PFKFB3: variants seen among roughly 807,000 people sequenced by gnomAD.
PFKFB3 encodes the protein 6-phosphofructo-2-kinase/fructose-2,6-biphosphatase 3.
Under a neutral mutation model 68.0 loss-of-function variants are expected in PFKFB3, and 33 were observed. The observed-to-expected ratio is 0.49, with a 90% CI of 0.37 to 0.65. The LOEUF (loss-of-function observed/expected upper bound fraction) is 0.65, where lower values mean the gene tolerates loss of function less well. PFKFB3 is among the 30% of genes least tolerant of loss of function. The pLI is 0.00. For synonymous variants in PFKFB3, 315 were observed against 288.2 expected, an observed-to-expected ratio of 1.09 and a Z score of -0.94; for missense variants, 586 against 712.2, an observed-to-expected ratio of 0.82 and a Z score of 2.02.
intron 1 of PFKFB3, chr10:6,146,391 G>A: frequency 6.5e-7 from 1 of 1,535,498 alleles, no homozygotes; most frequent in Non-Finnish European, 8.7e-7. Flanking sequence ...GGGGGAGGGT[G>A]GCCAGAAGGA....
At chr10:6,321,608 A>G in the PFKFB3 span, among the ~76,000 whole-genome samples, 1 of 151,984 alleles carries the variant, frequency 6.6e-6, no homozygotes, top group Non-Finnish European at 1.5e-5. Flanking sequence ...CCTGGCTACT[A>G]CCTTCCCTCC....
intron 1 of PFKFB3, among the ~76,000 whole-genome samples, chr10:6,159,470 G>C (rs1469792003): frequency 6.6e-6 from 1 of 151,748 alleles, no homozygotes; most frequent in Admixed American, 6.6e-5. Flanking sequence ...AGGCTGAGGC[G>C]GGGGGATCAC....
At position 6,227,363 on chromosome 10, in the gene PFKFB3, G is replaced by A. The variant is rs561084338; in HGVS notation, c.1515+998G>A. Among the ~76,000 whole-genome samples the A allele has an allele frequency of 4.1e-4, 62 of 152,280 alleles. No individual in the cohort carries two copies. The Middle Eastern group carries it at 0.017, about 42-fold the overall frequency. The stretch of plus-strand genomic sequence containing the variant: ...TCAGCCCAGTGCAGCTTCCGGTCAG[G>A]TTTGTTGATGAGCCGGATGCTGGTG... On this transcript the variant is annotated intron_variant, in intron 14 of 14. Transcript: ENST00000379775.
chr10:6,260,413 CAAAAAA>C, the PFKFB3 span, among the ~76,000 whole-genome samples: 3 of 86,944 alleles, frequency 3.5e-5, no homozygotes, highest in Admixed American at 1.2e-4. Flanking sequence ...GACTCCGTCT[CAAAAAA>C]AAAAAAAAAA....
rs1015129179 is a variant in PFKFB3, at chr10:6,224,129, C to G, written c.1277-20C>G. ...TCCCTTTAACAGCAGCTTCCTCTGC[C>G]CCCATCCCACGCCCTCCAGGCTGCC... On this transcript the variant is annotated intron_variant, in intron 12 of 14. Coordinates refer to ENST00000379775, the MANE Select transcript of PFKFB3 (RefSeq NM_004566.4). 6.2e-7 allele frequency: 1 copy of G among 1,613,992 alleles called. No individual in the cohort carries two copies. Among genetic ancestry groups the G allele is most frequent in the East Asian group, 2.2e-5 (1 of 44,896 alleles).
At chr10:6,237,436 G>T (rs1247306622), downstream of PFKFB3, among the ~76,000 whole-genome samples, 1 of 128,788 alleles carries the variant, frequency 7.8e-6, no homozygotes, top group Non-Finnish European at 1.8e-5. Context: ...GCTTAGGAAG[G>T]CTTTATAGAA....
rs115407771 is a variant in PFKFB3 at position 6,173,140 on chromosome 10, A to G, written c.16+28127A>G. ...TCTACTTCGGGAACTCTCCTTCACC[A>G]CTCACCTCACACCCTTCCTCCAGGA... is the stretch of plus-strand genomic sequence containing the variant. On this transcript the variant is annotated intron_variant, in intron 1 of 14. Coordinates refer to the PFKFB3 transcript ENST00000379789. Among the ~76,000 whole-genome samples, 374 of 151,696 alleles carry G rather than the reference A, an allele frequency of 2.5e-3. 1 individual carries two copies. Among genetic ancestry groups the G allele is most frequent in the African/African-American group, 8.3e-3 (344 of 41,304 alleles).
chr10:6,203,945 ATGGGGGCGCCCGTGC>A (rs1564616457), intron 1 of PFKFB3, among the ~76,000 whole-genome samples: 2 of 151,552 alleles, frequency 1.3e-5, no homozygotes. Flanking sequence ...CTCCAGTGCC[ATGGGGGCGCCCGTGC>A]TGGGGGCGCC....
intron 1 of PFKFB3, among the ~76,000 whole-genome samples, chr10:6,178,377 A>G (rs1435681904): frequency 1.3e-5 from 2 of 152,178 alleles, no homozygotes; most frequent in Non-Finnish European, 2.9e-5. Flanking sequence ...GGGAGACACA[A>G]CCAGCAACAA....
intron 10 of PFKFB3, 187 bp from the exon 11 acceptor site, chr10:6,222,668 G>A (rs192542330): frequency 1.3e-4 from 72 of 539,112 alleles, no homozygotes; most frequent in African/African-American, 1.3e-3. Context: ...GGAGCGGAGT[G>A]GGGAGGGCTT....
the PFKFB3 span, among the ~76,000 whole-genome samples, chr10:6,265,663 T>G: frequency 0.037 from 5,653 of 152,254 alleles, 248 homozygotes; most frequent in South Asian, 0.18. Flanking sequence ...TATTTACTAT[T>G]TTCTCCCTTG....
intron 14 of PFKFB3, among the ~76,000 whole-genome samples, chr10:6,248,972 G>A (rs1424788774): frequency 6.6e-6 from 1 of 151,966 alleles, no homozygotes; most frequent in Non-Finnish European, 1.5e-5. Context: ...TCGGGAATTC[G>A]AGACCAGCTT....
intron 1 of PFKFB3, among the ~76,000 whole-genome samples, chr10:6,205,726 C>T (rs929096663): frequency 3.9e-5 from 6 of 152,032 alleles, no homozygotes; most frequent in African/African-American, 1.4e-4. Flanking sequence ...CTTGTTGCCA[C>T]CTTTATAAGT....
At chr10:6,280,451 C>T in the PFKFB3 span, among the ~76,000 whole-genome samples, 1 of 152,196 alleles carries the variant, frequency 6.6e-6, no homozygotes, top group Non-Finnish European at 1.5e-5. Flanking sequence ...GTAGGACGGG[C>T]CAGTGGCTCT....
chr10:6,146,005 A>G (rs1564580200), intron 1 of PFKFB3, among the ~76,000 whole-genome samples: 1 of 152,156 alleles, frequency 6.6e-6, no homozygotes. Context: ...TTTGACTTTC[A>G]AATCAGAGTT....
In PFKFB3 at chr10:6,218,554, G is replaced by C. The variant is rs553127269; in HGVS notation, c.499-1015G>C. Among the ~76,000 whole-genome samples the C allele has an allele frequency of 6.6e-5, 10 of 151,958 alleles. 1 individual carries two copies. The Middle Eastern group carries it at 0.01, about 156-fold the overall frequency. ...AGCGATTCTCCTGCCTCAGCCTCCC[G>C]AATAGCTGGGATTACAGGTGTGCGC... On this transcript the variant is annotated intron_variant, in intron 6 of 14. Transcript: ENST00000379775.
the PFKFB3 span, among the ~76,000 whole-genome samples, chr10:6,308,212 C>T: frequency 1.3e-5 from 2 of 152,226 alleles, no homozygotes; most frequent in African/African-American, 4.8e-5. Flanking sequence ...TCACCCACTT[C>T]TCTCTAAAAT....
intron 1 of PFKFB3, among the ~76,000 whole-genome samples, chr10:6,191,594 A>G (rs1843023988): frequency 6.6e-6 from 1 of 152,200 alleles, no homozygotes; most frequent in African/African-American, 2.4e-5. Context: ...CTAGAATCAC[A>G]GGATCCTTAC....
chr10:6,152,973 A>C (rs1403275967), intron 1 of PFKFB3, among the ~76,000 whole-genome samples: 1 of 152,156 alleles, frequency 6.6e-6, no homozygotes, highest in Middle Eastern at 3.2e-3. Context: ...TGAGCTCAGA[A>C]GTTCGAGACC....
Sources: gnomAD v4.1 joint callset for allele counts (sites outside exome capture counted in the v4.1 genomes callset) on GRCh38, gnomAD v4.1.1 for gene constraint, MANE v1.5 for transcripts, NCBI Gene and HGNC (gene_info 2026-07-23, HGNC 2026-07-21) for gene names.